Variants in LCORL observed in about 807,000 individuals in gnomAD.
LCORL encodes ligand dependent nuclear receptor corepressor like, also known as ligand-dependent nuclear receptor corepressor-like protein.
In LCORL, 41 loss-of-function variants were observed where a neutral mutation model predicts 141.8. That is an observed-to-expected ratio of 0.29 (90% CI 0.23 to 0.38). LCORL has a LOEUF of 0.38. LCORL is among the 10% of genes least tolerant of loss of function. The probability of loss-of-function intolerance (pLI) is 1.00; values close to 1 mark genes in which losing one functional copy is unlikely to be tolerated. For synonymous variants in LCORL, 618 were observed against 694.1 expected, an observed-to-expected ratio of 0.89 and a Z score of 1.72; for missense variants, 1,759 against 2,035.0, an observed-to-expected ratio of 0.86 and a Z score of 2.61.
intron 4 of LCORL, among the ~76,000 whole-genome samples, chr4:17,953,055 G>GAAACC (rs1711779439): frequency 6.6e-6 from 1 of 151,806 alleles, no homozygotes; most frequent in Admixed American, 6.6e-5. Context: ...TTCCATCCAT[G>GAAACC]TTGCTGCAAA....
intron 1 of LCORL, among the ~76,000 whole-genome samples, chr4:17,983,234 C>T (rs779022589): frequency 2.0e-5 from 3 of 152,024 alleles, no homozygotes; most frequent in Non-Finnish European, 4.4e-5. Flanking sequence ...CTTAGGATTG[C>T]CTTGGCTATT....
intron 4 of LCORL, among the ~76,000 whole-genome samples, chr4:17,909,626 C>T (rs1047857990): frequency 6.6e-6 from 1 of 152,078 alleles, no homozygotes; most frequent in African/African-American, 2.4e-5. Flanking sequence ...AGAAGCGGAA[C>T]AACTTATTCT....
intron 5 of LCORL, among the ~76,000 whole-genome samples, chr4:17,901,990 A>G (rs190480232): frequency 6.6e-6 from 1 of 152,174 alleles, no homozygotes; most frequent in East Asian, 1.9e-4. Context: ...TAAGAAACTA[A>G]TGTTTAAAAG....
At chr4:17,851,488 A>T (rs917750116) in intron 7 of LCORL, among the ~76,000 whole-genome samples, 1 of 152,206 alleles carries the variant, frequency 6.6e-6, no homozygotes, top group Non-Finnish European at 1.5e-5. Flanking sequence ...TTGCTTTAAA[A>T]TATGTATTTT....
chr4:17,931,331 T>C (rs1232393315), intron 4 of LCORL, among the ~76,000 whole-genome samples: 2 of 152,122 alleles, frequency 1.3e-5, no homozygotes, highest in Admixed American at 1.3e-4. Context: ...CATTAATTTT[T>C]TGCTTTAATC....
At chr4:17,946,353 A>T (rs1268684218) in intron 4 of LCORL, among the ~76,000 whole-genome samples, 1 of 151,998 alleles carries the variant, frequency 6.6e-6, no homozygotes, top group African/African-American at 2.4e-5. Flanking sequence ...TATTTTAAAA[A>T]CCACACACAT....
chr4:17,950,432 C>T (rs575632170), intron 4 of LCORL, among the ~76,000 whole-genome samples: 7 of 152,252 alleles, frequency 4.6e-5, no homozygotes, highest in Admixed American at 6.5e-5. Context: ...GGACATATCA[C>T]GCTTCAAGCA....
chr4:18,006,102 T>C (rs1271418767), intron 1 of LCORL, among the ~76,000 whole-genome samples: 1 of 152,234 alleles, frequency 6.6e-6, no homozygotes, highest in Non-Finnish European at 1.5e-5. Flanking sequence ...TCTTGAATGC[T>C]TTGCTGCTTA....
intron 7 of LCORL, among the ~76,000 whole-genome samples, chr4:17,847,898 G>A (rs1560245220): frequency 6.6e-6 from 1 of 152,104 alleles, no homozygotes; most frequent in Non-Finnish European, 1.5e-5. Context: ...AGATAGCTTG[G>A]TAGGCAAGTA....
intron 4 of LCORL, among the ~76,000 whole-genome samples, chr4:17,938,163 G>C (rs574974842): frequency 2.9e-4 from 43 of 149,928 alleles, no homozygotes; most frequent in African/African-American, 9.5e-4. Context: ...GTGCCACCAC[G>C]CCTGGCTAAT....
At chr4:17,876,074 T>G in exon 7 of LCORL, 1 of 1,231,056 alleles carries the variant, frequency 8.1e-7, no homozygotes, top group Non-Finnish European at 1.0e-6. Flanking sequence ...ATTTGACCCC[T>G]TCACTACTTT....
chr4:17,883,250 T>C (rs1727816458), intron 6 of LCORL: 10 of 985,796 alleles, frequency 1.0e-5, no homozygotes, highest in South Asian at 4.7e-5. Context: ...AAACTTTGAT[T>C]GGTTGCTTGA....
chr4:17,924,433 T>A (rs1734795871), intron 4 of LCORL, among the ~76,000 whole-genome samples: 1 of 152,174 alleles, frequency 6.6e-6, no homozygotes, highest in African/African-American at 2.4e-5. Context: ...GAGAGCCCAA[T>A]TTGCCAGAAG....
chr4:17,917,778 A>C (rs1049953899), intron 4 of LCORL, among the ~76,000 whole-genome samples: 1 of 152,182 alleles, frequency 6.6e-6, no homozygotes, highest in African/African-American at 2.4e-5. Context: ...TCATTAAACA[A>C]AAGAACTCTG....
chr4:17,993,132 A>G (rs1477448135), intron 1 of LCORL, among the ~76,000 whole-genome samples: 4 of 152,166 alleles, frequency 2.6e-5, no homozygotes, highest in African/African-American at 7.2e-5. Flanking sequence ...ATCCAATAAA[A>G]TTTTCTGTAA....
At chr4:17,856,340 A>C (rs1475051613) in intron 7 of LCORL, among the ~76,000 whole-genome samples, 3 of 152,178 alleles carry the variant, frequency 2.0e-5, no homozygotes, top group Non-Finnish European at 4.4e-5. Context: ...GTGAAGCTCT[A>C]ATCTGATGAC....
At chr4:17,874,550 C>T in exon 7 of LCORL, 1 of 1,233,594 alleles carries the variant, frequency 8.1e-7, no homozygotes, top group Admixed American at 4.2e-5. Context: ...GACAAGTTTC[C>T]AAAGGGCTTG....
intron 4 of LCORL, among the ~76,000 whole-genome samples, chr4:17,938,038 CTT>C (rs1164469276): frequency 7.1e-4 from 98 of 137,136 alleles, no homozygotes; most frequent in African/African-American, 2.0e-3. Flanking sequence ...GAGTTTCGCT[CTT>C]GTTTGCCCAG....
At chr4:17,864,183 G>A (rs1346070472) in intron 7 of LCORL, among the ~76,000 whole-genome samples, 1 of 152,094 alleles carries the variant, frequency 6.6e-6, no homozygotes, top group East Asian at 1.9e-4. Flanking sequence ...TTATTTGAAG[G>A]TAGAACCCTG....
Sources: allele counts gnomAD v4.1 joint callset (sites outside exome capture counted in the v4.1 genomes callset), GRCh38; gene constraint gnomAD v4.1.1; transcripts MANE v1.5; gene names NCBI Gene and HGNC (gene_info 2026-07-23, HGNC 2026-07-21).